Variants in KIF24 observed in about 807,000 individuals in gnomAD.
KIF24 encodes kinesin family member 24, also known as kinesin-like protein KIF24.
KIF24 carries 81 observed loss-of-function variants against 118.9 expected under a neutral mutation model. The observed-to-expected ratio is 0.68, with a 90% CI of 0.57 to 0.82. The LOEUF (loss-of-function observed/expected upper bound fraction) is 0.82, where lower values mean the gene tolerates loss of function less well. Ranked by LOEUF, KIF24 falls within the 40% of genes least tolerant of loss-of-function variation. The pLI is 0.00. For missense variants in KIF24, 1,560 were observed against 1,661.6 expected, an observed-to-expected ratio of 0.94 and a Z score of 1.06; for synonymous variants, 599 against 610.0, an observed-to-expected ratio of 0.98 and a Z score of 0.27.
intron 6 of KIF24, among the ~76,000 whole-genome samples, chr9:34,272,721 TGA>T (rs1313213705): frequency 6.6e-6 from 1 of 152,154 alleles, no homozygotes; most frequent in Non-Finnish European, 1.5e-5. Context: ...TTCCTGGGTT[TGA>T]GAGGTACTCC....
At position 34,254,107 on chromosome 9, in the gene KIF24, T is replaced by A; in HGVS notation, c.*273A>T. The stretch of plus-strand genomic sequence containing the variant: ...CCACAGGCAAGGGGTTAGTTAATCA[T>A]ATTCTCTAGGCACAAGGGAAAGGCA... On this transcript the variant is annotated 3_prime_UTR_variant, in exon 13 of 13. Coordinates refer to ENST00000402558, the MANE Select transcript of KIF24 (RefSeq NM_194313.4). The A allele has an allele frequency of 3.0e-6, 1 of 337,260 alleles. No homozygotes were observed. Among genetic ancestry groups the A allele is most frequent in the Admixed American group, 4.6e-5 (1 of 21,610 alleles). The allele number at this position is 337,260 out of a possible 1,614,324, so 20.9% of individuals were successfully genotyped here.
intron 6 of KIF24, among the ~76,000 whole-genome samples, 159 bp from the exon 7 acceptor site, chr9:34,272,089 C>T (rs1835529018): frequency 6.6e-6 from 1 of 152,180 alleles, no homozygotes; most frequent in South Asian, 2.1e-4. Context: ...CTAAATTATA[C>T]CTAGTTAGTA....
intron 1 of KIF24, among the ~76,000 whole-genome samples, chr9:34,313,251 C>A (rs527582211): frequency 1.3e-5 from 2 of 152,236 alleles, no homozygotes; most frequent in South Asian, 4.1e-4. Context: ...GGCCCAGTGG[C>A]ACCACTAGAT....
intron 4 of KIF24, among the ~76,000 whole-genome samples, chr9:34,293,956 T>C (rs909816863): frequency 2.6e-5 from 4 of 152,178 alleles, no homozygotes; most frequent in African/African-American, 4.8e-5. Flanking sequence ...CTTTGAAAAG[T>C]TGTTTGACAT....
At chr9:34,332,743 T>G (rs1218153377), upstream of KIF24, among the ~76,000 whole-genome samples, 7 of 152,180 alleles carry the variant, frequency 4.6e-5, no homozygotes. Context: ...TCTGCAAGAA[T>G]GGAGTGGCAG....
At chr9:34,276,061 A>G (rs781694277) in intron 6 of KIF24, among the ~76,000 whole-genome samples, 11 of 152,148 alleles carry the variant, frequency 7.2e-5, no homozygotes, top group Non-Finnish European at 1.5e-4. Context: ...TGTATTTTTC[A>G]CTACACTGTG....
chr9:34,313,752 G>T (rs28589967), intron 1 of KIF24, among the ~76,000 whole-genome samples: 3,106 of 96,296 alleles, frequency 0.032, 31 homozygotes, highest in Non-Finnish European at 0.04. Flanking sequence ...TTTTTTTTTT[G>T]TTTTTTTTTT....
intron 3 of KIF24, among the ~76,000 whole-genome samples, chr9:34,299,819 TGTGC>T (rs201710991): frequency 0.18 from 16,162 of 88,392 alleles, 1,050 homozygotes; most frequent in South Asian, 0.42. Context: ...TGTGTGTGTG[TGTGC>T]GTGTGTGTGT....
In KIF24 at chr9:34,319,240, G is replaced by A; in HGVS notation, c.-25-7869C>T. 11 of 1,462,794 alleles carry A rather than the reference G, an allele frequency of 7.5e-6. No individual in the cohort carries two copies. The South Asian group carries it at 1.2e-4, about 17-fold the overall frequency. The allele number at this position is 1,462,794 out of a possible 1,614,324, so 90.6% of individuals were successfully genotyped here. ...TGCCCCACCACGTGGAGCCCCTCGA[G>A]GCCTTAAAAAGCTGGTAACCAAAGA... On this transcript the variant is annotated intron_variant, in intron 1 of 12. Transcript: ENST00000402558.
At chr9:34,299,043 T>A (rs1259725239) in intron 3 of KIF24, among the ~76,000 whole-genome samples, 9 of 152,088 alleles carry the variant, frequency 5.9e-5, no homozygotes, top group Admixed American at 5.9e-4. Flanking sequence ...CATATATATA[T>A]GTATGAATAT....
In KIF24 at chr9:34,252,477, CTAT is replaced by C. The variant is rs1834624897; in HGVS notation, c.*1900_*1902del. 7.6e-6 allele frequency: 1 copy of C among 132,350 alleles called. No homozygotes were observed. The highest frequency in any genetic ancestry group is 2.7e-5 in the African/African-American group (1 of 36,768). The allele number at this position is 132,350 out of a possible 1,614,324, so 8.2% of individuals were successfully genotyped here. A position where few individuals can be genotyped will look rare whatever the true frequency, so the allele number is the denominator to read the frequency against. The stretch of plus-strand genomic sequence containing the variant: ...GAATCTAAAATAATTTGCTAACTAA[CTAT>C]TTTGATTCTTCAGAGAGAACTACTA... On this transcript the variant is annotated 3_prime_UTR_variant, in exon 13 of 13. Transcript: ENST00000402558.
intron 8 of KIF24, among the ~76,000 whole-genome samples, chr9:34,265,796 AAAG>A (rs1698448697): frequency 6.6e-6 from 1 of 152,130 alleles, no homozygotes; most frequent in Non-Finnish European, 1.5e-5. Context: ...ATAACAGAAA[AAAG>A]AGACAAATAA....
rs748810177 is a variant in KIF24 at position 34,257,603 on chromosome 9, C to G, written c.2004G>C (p.Leu668Phe). The G allele has an allele frequency of 1.1e-5, 18 of 1,613,968 alleles. No homozygotes were observed. The highest frequency in any genetic ancestry group is 1.4e-5 in the Non-Finnish European group (16 of 1,179,918). Residue 668 changes from leucine to phenylalanine, a missense_variant, in exon 11 of 13, where the codon TTG becomes TTC. Transcript: ENST00000402558. ...TGCCCATTCGATTTTTCTCAGAGCA[C>G]AATGGTGCTGACTCTTCTGGCTTTT... is the stretch of plus-strand genomic sequence containing the variant. ...AKKKPEESAP[L>F]CSEKNRMGNK... is the part of the protein sequence containing the mutation.
upstream of KIF24, among the ~76,000 whole-genome samples, chr9:34,332,471 T>C (rs1233042695): frequency 6.6e-6 from 1 of 152,196 alleles, no homozygotes; most frequent in African/African-American, 2.4e-5. Context: ...CAGCTTCATA[T>C]CTATCTGTCA....
upstream of KIF24, chr9:34,329,459 GT>G (rs931057834): frequency 1.6e-4 from 25 of 152,326 alleles, no homozygotes; most frequent in African/African-American, 6.0e-4. Context: ...ACGTTTCAGT[GT>G]GAGACGCGCA....
At chr9:34,332,723 C>T (rs1837979248), upstream of KIF24, among the ~76,000 whole-genome samples, 1 of 152,198 alleles carries the variant, frequency 6.6e-6, no homozygotes, top group African/African-American at 2.4e-5. Flanking sequence ...AATGACTCAG[C>T]AGCTTCGTCT....
At chr9:34,255,050 G>C in intron 12 of KIF24, 22 bp downstream of exon 12, 1 of 1,501,054 alleles carries the variant, frequency 6.7e-7, no homozygotes, top group East Asian at 2.4e-5. Context: ...CAGCCTGTGA[G>C]TGTCCAGCCA....
chr9:34,269,914 C>A (rs1417696363), intron 7 of KIF24, among the ~76,000 whole-genome samples: 1 of 152,046 alleles, frequency 6.6e-6, no homozygotes, highest in South Asian at 2.1e-4. Context: ...CACAGCAAGA[C>A]CCCATCTCTT....
Position 34,256,629 on chromosome 9 carries a change from G to T in KIF24, c.2978C>A (p.Ala993Glu). Reference sequence around the variant, plus strand: ...TCTTTGGTCTGGGGATCCAGGAACTGCAACGTGGGACAATGAGATAGTGAA... The same window carrying T: ...TCTTTGGTCTGGGGATCCAGGAACTTCAACGTGGGACAATGAGATAGTGAA... ...DGFTISLSHV[A>E]VPGSPDQRDT... The change falls in exon 11 of 13, where the codon GCA becomes GAA. Residue 993 changes from alanine (A) to glutamate (E), a missense_variant. By Grantham distance (107) the Ala-to-Glu change is moderately radical. Transcript: ENST00000402558. The T allele has an allele frequency of 6.2e-7, 1 of 1,613,904 alleles. No individual in the cohort carries two copies. Among genetic ancestry groups the T allele is most frequent in the African/African-American group, 1.3e-5 (1 of 75,046 alleles).
Sources: gnomAD v4.1 joint callset for allele counts (sites outside exome capture counted in the v4.1 genomes callset) on GRCh38, gnomAD v4.1.1 for gene constraint, MANE v1.5 for transcripts, NCBI Gene and HGNC (gene_info 2026-07-23, HGNC 2026-07-21) for gene names.